Variants in THUMPD3 observed in about 807,000 individuals in gnomAD.
THUMPD3 encodes the protein THUMP domain 3 tRNA guanosine methyltransferase.
A neutral mutation model predicts 54.5 loss-of-function variants in THUMPD3; 44 were observed. The observed-to-expected ratio is 0.81, with a 90% CI of 0.63 to 1.04. THUMPD3 has a LOEUF of 1.04. Ranked by LOEUF, THUMPD3 falls within the 50% of genes least tolerant of loss-of-function variation. The probability of loss-of-function intolerance (pLI) is 0.00; values close to 1 mark genes in which losing one functional copy is unlikely to be tolerated. For missense variants in THUMPD3, 604 were observed against 601.3 expected (o/e 1.00, Z -0.05); for synonymous variants, 196 against 201.4 (o/e 0.97, Z 0.23).
At chr3:9,379,353 A>G (rs1377577021) in intron 6 of THUMPD3, among the ~76,000 whole-genome samples, 4 of 152,198 alleles carry the variant, frequency 2.6e-5, no homozygotes, top group African/African-American at 4.8e-5. Flanking sequence ...AGGATTGTAG[A>G]CAGGGTATGT....
intron 5 of THUMPD3, among the ~76,000 whole-genome samples, chr3:9,376,056 T>C (rs79146185): frequency 0.025 from 3,801 of 152,306 alleles, 177 homozygotes; most frequent in African/African-American, 0.087. Context: ...CTAGTCTTCA[T>C]TAATTTAACA....
chr3:9,374,743 G>A, intron 5 of THUMPD3, 97 bp downstream of exon 5: 2 of 1,382,336 alleles, frequency 1.4e-6, no homozygotes, highest in South Asian at 1.3e-5. Flanking sequence ...TTGAGGTACT[G>A]TGTTGGAATA....
chr3:9,380,468 C>T, intron 6 of THUMPD3, 35 bp from the exon 7 acceptor site: 1 of 1,385,956 alleles, frequency 7.2e-7, no homozygotes, highest in Admixed American at 1.9e-5. Context: ...TTACAGTTTG[C>T]TACTTTTGTT....
At chr3:9,372,027 C>T (rs1179467627) in intron 4 of THUMPD3, among the ~76,000 whole-genome samples, 2 of 152,138 alleles carry the variant, frequency 1.3e-5, no homozygotes, top group Non-Finnish European at 2.9e-5. Flanking sequence ...AGGCACATGC[C>T]ACCACACCTG....
In THUMPD3 at chr3:9,370,634, CAG is replaced by C. The variant is rs2031954805; in HGVS notation, c.331-423_331-422del. Among the ~76,000 whole-genome samples, 3 of 152,130 alleles carry C rather than the reference CAG, an allele frequency of 2.0e-5. No individual in the cohort carries two copies. In the South Asian group the frequency reaches 6.2e-4, roughly 32 times the overall value. The stretch of plus-strand genomic sequence containing the variant: ...TAATTTTTGTATTTTTTTGTGGAGA[CAG>C]AGTTTTGCCATGTTGCCCAGTCTGG... On this transcript the variant is annotated intron_variant, in intron 3 of 9. Coordinates refer to ENST00000452837, the MANE Select transcript of THUMPD3 (RefSeq NM_001114092.2).
chr3:9,364,493 C>T (rs1237755217), intron 1 of THUMPD3, among the ~76,000 whole-genome samples: 9 of 152,122 alleles, frequency 5.9e-5, no homozygotes, highest in Middle Eastern at 6.8e-3. Context: ...ATTACAGGCT[C>T]CCACCACCAC....
At chr3:9,367,758 C>G (rs1018415941) in intron 3 of THUMPD3, among the ~76,000 whole-genome samples, 1 of 152,016 alleles carries the variant, frequency 6.6e-6, no homozygotes, top group East Asian at 1.9e-4. Context: ...ACAATAAGAC[C>G]AGACCTAAAA....
chr3:9,382,881 C>A, intron 7 of THUMPD3: 1 of 205,038 alleles, frequency 4.9e-6, no homozygotes, highest in South Asian at 8.9e-5. Context: ...TGTGTGCCAT[C>A]ATGCCCTGCT....
intron 8 of THUMPD3, among the ~76,000 whole-genome samples, chr3:9,383,747 C>T (rs1336389035): frequency 6.6e-6 from 1 of 152,106 alleles, no homozygotes; most frequent in Non-Finnish European, 1.5e-5. Flanking sequence ...CCTCACCCTC[C>T]TGAGTAGCTC....
intron 5 of THUMPD3, among the ~76,000 whole-genome samples, chr3:9,375,275 C>T (rs2032376363): frequency 6.6e-6 from 1 of 152,136 alleles, no homozygotes; most frequent in Non-Finnish European, 1.5e-5. Context: ...TGTTTCATTT[C>T]TGTGCAGTGA....
intron 7 of THUMPD3, among the ~76,000 whole-genome samples, chr3:9,381,411 A>G (rs902582090): frequency 6.6e-5 from 10 of 152,202 alleles, no homozygotes; most frequent in African/African-American, 2.4e-4. Context: ...GAGTACTGTT[A>G]ACACAGATCT....
rs77893804 is a variant in THUMPD3 at position 9,378,513 on chromosome 3, G to A, written c.1008+625G>A. Among the ~76,000 whole-genome samples the A allele has an allele frequency of 3.6e-3, 547 of 152,308 alleles. 3 individuals carry two copies. The highest frequency in any genetic ancestry group is 0.012 in the African/African-American group (518 of 41,556). ...ATATGTTTTTAAAGAATTTAGAAGAGGGAGCTCCCAGTAAAATCACTGAAG... is the reference window on the plus strand; with the variant it reads ...ATATGTTTTTAAAGAATTTAGAAGAAGGAGCTCCCAGTAAAATCACTGAAG... On this transcript the variant is annotated intron_variant, in intron 6 of 9. Transcript: ENST00000452837.
At chr3:9,365,389 G>A (rs1330472517) in intron 2 of THUMPD3, 69 bp downstream of exon 2, 2 of 1,549,872 alleles carry the variant, frequency 1.3e-6, no homozygotes, top group African/African-American at 2.7e-5. Flanking sequence ...TCATTTTATA[G>A]ACCCTTCTGG....
At position 9,385,015 on chromosome 3, in the gene THUMPD3, C is replaced by T. The variant is rs142195019; in HGVS notation, c.*327C>T. 0.017 allele frequency: 3,974 copies of T among 237,270 alleles called. 177 individuals carry two copies. The highest frequency in any genetic ancestry group is 0.085 in the African/African-American group (3,757 of 44,126). The allele number at this position is 237,270 out of a possible 1,614,324, so 14.7% of individuals were successfully genotyped here. On this transcript the variant is annotated 3_prime_UTR_variant, in exon 10 of 10. Transcript: ENST00000452837. ...ATTAGCCAGGTGTGGTGGCGGGCGC[C>T]TGTAATCCCAACTACTCAGGAGGCT...
chr3:9,373,760 C>G (rs892493759), intron 4 of THUMPD3, among the ~76,000 whole-genome samples: 4 of 152,134 alleles, frequency 2.6e-5, no homozygotes, highest in Non-Finnish European at 4.4e-5. Flanking sequence ...ATCACCCAGA[C>G]TGGAGTGCAG....
rs893484521 is a variant in THUMPD3, at chr3:9,384,997, A to T, written c.*309A>T. Reference sequence around the variant, plus strand: ...TCTACTAGAAATACAAAAATTAGCCAGGTGTGGTGGCGGGCGCCTGTAATC... The same window carrying T: ...TCTACTAGAAATACAAAAATTAGCCTGGTGTGGTGGCGGGCGCCTGTAATC... On this transcript the variant is annotated 3_prime_UTR_variant, in exon 10 of 10. Coordinates refer to ENST00000452837, the MANE Select transcript of THUMPD3 (RefSeq NM_001114092.2). The T allele has an allele frequency of 2.4e-5, 6 of 254,954 alleles. No homozygotes were observed. The highest frequency in any genetic ancestry group is 9.6e-5 in the South Asian group (2 of 20,738). 15.8% of individuals were successfully genotyped at this position (254,954 alleles called of 1,614,324 possible).
Position 9,377,359 on chromosome 3 carries a change from T to C in THUMPD3, c.939-460T>C, listed in dbSNP as rs138787444. ...AATGGAATATACAGTCAACATATCA[T>C]TATAAATTGATTTTATTTATTTATT... On this transcript the variant is annotated intron_variant, in intron 5 of 9. Transcript: ENST00000452837. Among the ~76,000 whole-genome samples, 465 of 152,302 alleles carry C rather than the reference T, an allele frequency of 3.1e-3. 2 individuals are homozygous for C. Among genetic ancestry groups the C allele is most frequent in the Admixed American group, 0.011 (161 of 15,290 alleles).
In THUMPD3 at chr3:9,384,409, T is replaced by A. The variant is rs560350536; in HGVS notation, c.1359+74T>A. ...CTTTTTGAGATTTGGGGATGTTTGT[T>A]TGGATAAGATTTGTTTTCTCTTCCC... On this transcript the variant is annotated intron_variant, in intron 9 of 9. Coordinates refer to ENST00000452837, the MANE Select transcript of THUMPD3 (RefSeq NM_001114092.2). The A allele has an allele frequency of 5.6e-6, 9 of 1,595,132 alleles. No individual in the cohort carries two copies. The South Asian group carries it at 9.0e-5, about 16-fold the overall frequency.
At position 9,371,362 on chromosome 3, in the gene THUMPD3, G is replaced by A. The variant is rs766816959; in HGVS notation, c.633G>A (p.Glu211=). ...ATGATTTGGCATCTTGCAAAGATGAGACTGATGAAAGCTCAAAAGAAGAAA... is the reference window on the plus strand; with the variant it reads ...ATGATTTGGCATCTTGCAAAGATGAAACTGATGAAAGCTCAAAAGAAGAAA... ...IGDDLASCKD[E]TDESSKEETE... The change falls in exon 4 of 10, where the codon GAG becomes GAA. Residue 211 remains glutamate (E), a synonymous_variant. Coordinates refer to ENST00000452837, the MANE Select transcript of THUMPD3 (RefSeq NM_001114092.2). 6.2e-7 allele frequency: 1 copy of A among 1,614,052 alleles called. No individual in the cohort carries two copies. Among genetic ancestry groups the A allele is most frequent in the African/African-American group, 1.3e-5 (1 of 74,936 alleles).
Sources: allele counts gnomAD v4.1 joint callset (sites outside exome capture counted in the v4.1 genomes callset), GRCh38; gene constraint gnomAD v4.1.1; transcripts MANE v1.5; gene names NCBI Gene and HGNC (gene_info 2026-07-23, HGNC 2026-07-21).